The following PISD variants were observed in gnomAD, a reference collection of about 807,000 sequenced individuals.
PISD encodes the protein phosphatidylserine decarboxylase.
A neutral mutation model predicts 43.5 loss-of-function variants in PISD; 31 were observed. The ratio of observed to expected loss-of-function variants is 0.71; its 90% CI spans 0.54 to 0.96. PISD has a LOEUF of 0.96. PISD is among the 40% of genes least tolerant of loss of function. The probability of loss-of-function intolerance (pLI) is 0.00; values close to 1 mark genes in which losing one functional copy is unlikely to be tolerated. For synonymous variants in PISD, 259 were observed against 228.7 expected, an observed-to-expected ratio of 1.13 and a Z score of -1.20; for missense variants, 523 against 548.4, an observed-to-expected ratio of 0.95 and a Z score of 0.46.
At position 31,637,200 on chromosome 22, in the gene PISD, T is replaced by G. The variant is rs529049516; in HGVS notation, c.321+10901A>C. On this transcript the variant is annotated intron_variant, in intron 3 of 7. Transcript: ENST00000439502. Reference sequence around the variant, plus strand: ...ATATATATATATATATATATATATATATATATAGAAAAATTAGCCGGGCAT... The same window carrying G: ...ATATATATATATATATATATATATAGATATATAGAAAAATTAGCCGGGCAT... Among the ~76,000 whole-genome samples the G allele has an allele frequency of 1.2e-3, 105 of 90,944 alleles. 4 individuals are homozygous for G. The highest frequency in any genetic ancestry group is 4.5e-3 in the African/African-American group (99 of 21,862). The allele number at this position is 90,944 out of a possible 152,430, so 59.7% of individuals were successfully genotyped here. A position where few individuals can be genotyped will look rare whatever the true frequency, so the allele number is the denominator to read the frequency against.
intron 3 of PISD, among the ~76,000 whole-genome samples, chr22:31,631,434 G>T (rs2073202378): frequency 6.6e-6 from 1 of 152,176 alleles, no homozygotes; most frequent in South Asian, 2.1e-4. Flanking sequence ...GCAAAACCCT[G>T]ACAAACAGAA....
At chr22:31,628,731 C>T (rs1328718927) in intron 3 of PISD, 1 of 680,480 alleles carries the variant, frequency 1.5e-6, no homozygotes, top group African/African-American at 1.9e-5. Context: ...AAGGAAATTC[C>T]TCCTGGCCAC....
intron 3 of PISD, among the ~76,000 whole-genome samples, chr22:31,639,698 G>T (rs921364649): frequency 1.3e-5 from 2 of 151,934 alleles, no homozygotes; most frequent in Admixed American, 1.3e-4. Flanking sequence ...AATCACAACC[G>T]CCACACAAAG....
chr22:31,625,759 T>C, intron 3 of PISD: 1 of 1,584,176 alleles, frequency 6.3e-7, no homozygotes, highest in Non-Finnish European at 8.6e-7. Flanking sequence ...GGGCAGCATC[T>C]CACCATTTCG....
intron 7 of PISD, 127 bp downstream of exon 7, chr22:31,620,426 G>T (rs1276685660): frequency 1.1e-6 from 1 of 914,386 alleles, no homozygotes; most frequent in Non-Finnish European, 1.7e-6. Flanking sequence ...GCTCAGCAGA[G>T]CCAGGCCTGA....
rs752423696 is a variant in PISD at position 31,621,845 on chromosome 22, C to T, written c.362G>A (p.Arg121Gln). 3.0e-5 allele frequency: 48 copies of T among 1,611,822 alleles called. No individual in the cohort carries two copies. The highest frequency in any genetic ancestry group is 5.5e-5 in the South Asian group (5 of 91,090). ...YKSVPTRLLS[R>Q]AWGRLNQVEL... ...CACCTGATTGAGGCGACCCCAGGCC[C>T]GTGACAGCAAGCGCGTTGGCACTGA... The change falls in exon 4 of 8, where the codon CGG (arginine) becomes CAG (glutamine). Residue 121 changes from arginine to glutamine, a missense_variant. Physicochemically the swap from Arg to Gln is conservative, Grantham distance 43 (BLOSUM62 1). Transcript: ENST00000439502.
chr22:31,656,437 T>G (rs1601455763), intron 1 of PISD, among the ~76,000 whole-genome samples: 1 of 151,558 alleles, frequency 6.6e-6, no homozygotes, highest in East Asian at 1.9e-4. Flanking sequence ...GATCACGAGG[T>G]CAGGAGTTCG....
intron 3 of PISD, among the ~76,000 whole-genome samples, chr22:31,646,901 C>T (rs2073901935): frequency 6.6e-6 from 1 of 151,780 alleles, no homozygotes; most frequent in Non-Finnish European, 1.5e-5. Context: ...TAGGTTATTA[C>T]AAAGCCCAAG....
At chr22:31,650,661 CAGAG>C in intron 2 of PISD, 34 bp downstream of exon 2, 3 of 1,209,468 alleles carry the variant, frequency 2.5e-6, no homozygotes, top group Non-Finnish European at 3.6e-6. Flanking sequence ...CAAACTGAGG[CAGAG>C]AGAGGGTCAC....
rs1282537451 is a variant in PISD, at chr22:31,618,589, T to C, written c.*1023A>G. The C allele has an allele frequency of 5.0e-6, 3 of 598,734 alleles. No individual in the cohort carries two copies. Among genetic ancestry groups the C allele is most frequent in the Non-Finnish European group, 5.1e-6 (2 of 391,000 alleles). 37.1% of individuals were successfully genotyped at this position (598,734 alleles called of 1,614,324 possible). ...TCATACAAAAATACTGTGCTACTGA[T>C]ACAGTTGAAAAAATTCAATGATGTC... On this transcript the variant is annotated 3_prime_UTR_variant, in exon 8 of 8. Coordinates refer to ENST00000439502, the MANE Select transcript of PISD (RefSeq NM_001326411.2).
At position 31,629,067 on chromosome 22, in the gene PISD, C is replaced by G. The variant is rs569704245; in HGVS notation, c.322-7182G>C. ...GGACATGCTGTTTTGGGGATCCATA[C>G]CAGAGCAGTAAGGCAGTGTCCCCAC... On this transcript the variant is annotated intron_variant, in intron 3 of 7. Transcript: ENST00000439502. 6.1e-6 allele frequency: 6 copies of G among 985,468 alleles called. No homozygotes were observed. The South Asian group carries it at 1.9e-4, about 31-fold the overall frequency. The allele number at this position is 985,468 out of a possible 1,614,324, so 61.0% of individuals were successfully genotyped here. A position where few individuals can be genotyped will look rare whatever the true frequency, so the allele number is the denominator to read the frequency against.
intron 5 of PISD, 58 bp downstream of exon 5, chr22:31,621,276 C>G (rs1212014040): frequency 6.2e-7 from 1 of 1,611,668 alleles, no homozygotes; most frequent in Non-Finnish European, 8.5e-7. Flanking sequence ...ATTCCCCTCC[C>G]TCCCGGTCCA....
rs569990855 is a variant in PISD, at chr22:31,639,098, A to G, written c.321+9003T>C. On this transcript the variant is annotated intron_variant, in intron 3 of 7. Coordinates refer to ENST00000439502, the MANE Select transcript of PISD (RefSeq NM_001326411.2). Reference sequence around the variant, plus strand: ...AACCTCCGCCTCCCAGGTTCAAGCGATTCTCCTGTCTCAGCCTCTCAGGTA... The same window carrying G: ...AACCTCCGCCTCCCAGGTTCAAGCGGTTCTCCTGTCTCAGCCTCTCAGGTA... Among the ~76,000 whole-genome samples, 4 of 150,150 alleles carry G rather than the reference A, an allele frequency of 2.7e-5. No homozygotes were observed. In the South Asian group the frequency reaches 6.3e-4, roughly 24 times the overall value.
intron 3 of PISD, among the ~76,000 whole-genome samples, chr22:31,622,093 CA>C (rs2072618171): frequency 6.6e-6 from 1 of 152,260 alleles, no homozygotes; most frequent in African/African-American, 2.4e-5. Context: ...GCTGGATTTA[CA>C]TACAACTCCA....
intron 7 of PISD, 110 bp downstream of exon 7, chr22:31,620,443 C>A (rs918926685): frequency 6.2e-5 from 67 of 1,085,854 alleles, no homozygotes; most frequent in Middle Eastern, 2.2e-4. Context: ...CTGACCAGAG[C>A]TGTGGCCTCC....
chr22:31,619,204 A>G lies in PISD; in HGVS notation c.*408T>C. On this transcript the variant is annotated 3_prime_UTR_variant, in exon 8 of 8. Coordinates refer to ENST00000439502, the MANE Select transcript of PISD (RefSeq NM_001326411.2). The stretch of plus-strand genomic sequence containing the variant: ...CTCACCCTGTGCAGCAGGAGCGTTA[A>G]GGCCAAAAAACAAAAGGGGCCAACA... The G allele has an allele frequency of 3.1e-6, 1 of 325,206 alleles. No homozygotes were observed. Among genetic ancestry groups the G allele is most frequent in the South Asian group, 2.5e-5 (1 of 40,560 alleles). The allele number at this position is 325,206 out of a possible 1,614,324, so 20.1% of individuals were successfully genotyped here. A position where few individuals can be genotyped will look rare whatever the true frequency, so the allele number is the denominator to read the frequency against.
chr22:31,641,075 A>AG (rs1340416333), intron 3 of PISD, among the ~76,000 whole-genome samples: 31 of 148,858 alleles, frequency 2.1e-4, no homozygotes, highest in Non-Finnish European at 4.5e-4. Flanking sequence ...TTAGTAGAAG[A>AG]GGGGTTCCAC....
intron 3 of PISD, among the ~76,000 whole-genome samples, chr22:31,625,079 G>C (rs1407951429): frequency 6.6e-6 from 1 of 152,194 alleles, no homozygotes; most frequent in Non-Finnish European, 1.5e-5. Context: ...TGCCATCTGG[G>C]ACTGTGCTCT....
Position 31,630,775 on chromosome 22 carries a change from G to C in PISD, c.322-8890C>G. On this transcript the variant is annotated intron_variant, in intron 3 of 7. Coordinates refer to ENST00000439502, the MANE Select transcript of PISD (RefSeq NM_001326411.2). This position sits in a 1 kb window ranked among gnomAD's most constrained non-coding sequence, Gnocchi z 4.4. ...GAGAAGTCACCTGGGGCTCCCGGCA[G>C]GGCCGGGGCGCCGGCTCCGCTCACT... The C allele has an allele frequency of 1.0e-6, 1 of 985,656 alleles. No homozygotes were observed. Among genetic ancestry groups the C allele is most frequent in the African/African-American group, 1.7e-5 (1 of 57,362 alleles). 61.1% of individuals were successfully genotyped at this position (985,656 alleles called of 1,614,324 possible).
Sources: gnomAD v4.1 joint callset for allele counts (sites outside exome capture counted in the v4.1 genomes callset) on GRCh38, gnomAD v4.1.1 for gene constraint, Gnocchi (gnomAD v3.1) non-coding constraint, MANE v1.5 for transcripts, NCBI Gene and HGNC (gene_info 2026-07-23, HGNC 2026-07-21) for gene names.